Variants in GPSM2 observed in about 807,000 individuals in gnomAD.
GPSM2 encodes the protein G protein signaling modulator 2.
GPSM2 carries 58 observed loss-of-function variants against 78.4 expected under a neutral mutation model. That is an observed-to-expected ratio of 0.74 (90% CI 0.60 to 0.92). The LOEUF (loss-of-function observed/expected upper bound fraction) is 0.92. GPSM2 is among the 40% of genes least tolerant of loss of function. The pLI, the probability that GPSM2 is intolerant of heterozygous loss-of-function variation, is 0.00. For missense variants in GPSM2, 700 were observed against 815.5 expected (o/e 0.86, Z 1.73); for synonymous variants, 224 against 280.2 (o/e 0.80, Z 2.00).
At chr1:108,928,637 G>A (rs1369527066) in intron 14 of GPSM2, among the ~76,000 whole-genome samples, 17 of 152,282 alleles carry the variant, frequency 1.1e-4, no homozygotes, top group Admixed American at 1.1e-3. Flanking sequence ...GTGTATACTT[G>A]TAAGTGCATG....
intron 1 of GPSM2, among the ~76,000 whole-genome samples, chr1:108,880,330 C>T (rs1223230646): frequency 2.0e-5 from 3 of 152,182 alleles, no homozygotes; most frequent in Non-Finnish European, 4.4e-5. Flanking sequence ...TGCAGTGGCT[C>T]ACACCTGTAA....
At chr1:108,898,148 T>C (rs376066910) in intron 5 of GPSM2, 47 bp downstream of exon 5, 157 of 1,566,666 alleles carry the variant, frequency 1.0e-4, no homozygotes, top group Middle Eastern at 1.7e-4. Context: ...ATCTAAGCCG[T>C]GGATCTGCTG....
chr1:108,891,664 A>ATTTTTTTT (rs58295802), intron 2 of GPSM2, among the ~76,000 whole-genome samples: 1 of 117,208 alleles, frequency 8.5e-6, no homozygotes, highest in Non-Finnish European at 1.7e-5. Flanking sequence ...CAGCCAGCTA[A>ATTTTTTTT]TTTTTTTTTT....
chr1:108,886,975 C>T (rs1485266336), intron 2 of GPSM2, among the ~76,000 whole-genome samples: 1 of 151,952 alleles, frequency 6.6e-6, no homozygotes, highest in Non-Finnish European at 1.5e-5. Flanking sequence ...TAACCTCCGC[C>T]TCCCATGTTA....
At position 108,931,426 on chromosome 1, in the gene GPSM2, G is replaced by A. The variant is rs1651951934; in HGVS notation, c.*1486G>A. 2 of 1,551,028 alleles carry A rather than the reference G, an allele frequency of 1.3e-6. No individual in the cohort carries two copies. The highest frequency in any genetic ancestry group is 1.7e-6 in the Non-Finnish European group (2 of 1,147,072). Reference sequence around the variant, plus strand: ...TAACACTGGATCACAGACTGCAAAGGCCCACGCTTGGAACAAGTTGCCAAC... The same window carrying A: ...TAACACTGGATCACAGACTGCAAAGACCCACGCTTGGAACAAGTTGCCAAC... On this transcript the variant is annotated 3_prime_UTR_variant, in exon 15 of 15. Coordinates refer to ENST00000264126, the MANE Select transcript of GPSM2 (RefSeq NM_013296.5).
chr1:108,918,467 A>C, intron 11 of GPSM2, 146 bp from the exon 12 acceptor site: 1 of 632,926 alleles, frequency 1.6e-6, no homozygotes, highest in East Asian at 2.7e-5. Flanking sequence ...TATACTAAAA[A>C]GGATATTTTT....
rs1557879106 is a variant in GPSM2 at position 108,922,537 on chromosome 1, A to G, written c.1561A>G (p.Thr521Ala). Residue 521 changes from threonine to alanine, a missense_variant, in exon 13 of 15, where the codon ACA becomes GCA. Transcript: ENST00000264126. ...AGAAAAGAACTGCCATACAGCTTCA[A>G]CAACAACTTCTTCCACTCCCCCTAA... The part of the protein sequence containing the change: ...LQEKNCHTAS[T>A]TTSSTPPKMM... 3 of 1,586,610 alleles carry G rather than the reference A, an allele frequency of 1.9e-6. No homozygotes were observed. Among genetic ancestry groups the G allele is most frequent in the African/African-American group, 1.7e-5 (1 of 60,486 alleles).
intron 11 of GPSM2, 102 bp downstream of exon 11, chr1:108,914,510 G>T: frequency 1.2e-6 from 1 of 844,704 alleles, no homozygotes; most frequent in Non-Finnish European, 1.9e-6. Flanking sequence ...GCCCTATATA[G>T]GTATCACTTT....
chr1:108,907,813 C>A (rs1354435874), intron 10 of GPSM2, among the ~76,000 whole-genome samples: 1 of 152,118 alleles, frequency 6.6e-6, no homozygotes, highest in African/African-American at 2.4e-5. Flanking sequence ...CCCAGGGTTA[C>A]CTGTGTAGTA....
intron 9 of GPSM2, 21 bp from the exon 10 acceptor site, chr1:108,904,099 CTAAAA>C: frequency 6.5e-7 from 1 of 1,541,488 alleles, no homozygotes; most frequent in Non-Finnish European, 9.0e-7. Flanking sequence ...AAATACTACT[CTAAAA>C]TATAAATGTT....
chr1:108,905,277 T>C (rs970657471), intron 10 of GPSM2, among the ~76,000 whole-genome samples: 5 of 152,240 alleles, frequency 3.3e-5, no homozygotes, highest in African/African-American at 1.2e-4. Context: ...CTTGTCTTCA[T>C]AGACCCTTCT....
chr1:108,897,361 A>G, intron 3 of GPSM2, 131 bp from the exon 4 acceptor site: 1 of 839,230 alleles, frequency 1.2e-6, no homozygotes, highest in Non-Finnish European at 1.9e-6. Flanking sequence ...TTCAAAGCCA[A>G]TGGGTTTTTC....
At chr1:108,903,104 T>G in intron 8 of GPSM2, 22 bp from the exon 9 acceptor site, 5 of 1,418,130 alleles carry the variant, frequency 3.5e-6, no homozygotes, top group Non-Finnish European at 4.0e-6. Flanking sequence ...TAACTGCATG[T>G]TCGCTTTGAA....
intron 7 of GPSM2, among the ~76,000 whole-genome samples, chr1:108,901,170 GCA>G (rs1244529938): frequency 2.0e-5 from 3 of 152,174 alleles, no homozygotes; most frequent in Non-Finnish European, 4.4e-5. Context: ...TTAGTAATTG[GCA>G]AAGTTGGGAT....
rs1486229738 is a variant in GPSM2, at chr1:108,934,341, A to G, written c.*4401A>G. 1.5e-5 allele frequency: 4 copies of G among 259,982 alleles called. No individual in the cohort carries two copies. In the East Asian group the frequency reaches 3.1e-4, roughly 20 times the overall value. 16.1% of individuals were successfully genotyped at this position (259,982 alleles called of 1,614,324 possible). A position where few individuals can be genotyped will look rare whatever the true frequency, so the allele number is the denominator to read the frequency against. Reference sequence around the variant, plus strand: ...TTCCCGTAAGTGCCTGTAACAATAAAATTTCTTTTTCAATGTCCCCAATTC... The same window carrying G: ...TTCCCGTAAGTGCCTGTAACAATAAGATTTCTTTTTCAATGTCCCCAATTC... On this transcript the variant is annotated 3_prime_UTR_variant, in exon 15 of 15. Coordinates refer to ENST00000264126, the MANE Select transcript of GPSM2 (RefSeq NM_013296.5).
chr1:108,934,370 C>T lies in GPSM2; in HGVS notation c.*4430C>T. 3.0e-6 allele frequency: 1 copy of T among 330,326 alleles called. No individual in the cohort carries two copies. The highest frequency in any genetic ancestry group is 5.5e-6 in the Non-Finnish European group (1 of 181,988). 20.5% of individuals were successfully genotyped at this position (330,326 alleles called of 1,614,324 possible). A position where few individuals can be genotyped will look rare whatever the true frequency, so the allele number is the denominator to read the frequency against. Reference sequence around the variant, plus strand: ...TCTTTTTCAATGTCCCCAATTCAAACTGGCCTCCTTAACTATCCAGAATCA... The same window carrying T: ...TCTTTTTCAATGTCCCCAATTCAAATTGGCCTCCTTAACTATCCAGAATCA... On this transcript the variant is annotated 3_prime_UTR_variant, in exon 15 of 15. Coordinates refer to ENST00000264126, the MANE Select transcript of GPSM2 (RefSeq NM_013296.5).
intron 11 of GPSM2, 112 bp from the exon 12 acceptor site, chr1:108,918,500 CT>C: frequency 1.3e-6 from 1 of 777,166 alleles, no homozygotes; most frequent in East Asian, 2.5e-5. Flanking sequence ...AATTCTTCCT[CT>C]CTCCCCCAAT....
In GPSM2 at chr1:108,932,253, G is replaced by C. The variant is rs564043237; in HGVS notation, c.*2313G>C. 1 of 152,234 alleles carries C rather than the reference G, an allele frequency of 6.6e-6. No homozygotes were observed. The highest frequency in any genetic ancestry group is 1.9e-4 in the East Asian group (1 of 5,178). The allele number at this position is 152,234 out of a possible 1,614,324, so 9.4% of individuals were successfully genotyped here. ...TGTACCACCTCACTCCAGCCTGGGTGACAGAGCAAAACTCTCAAAAAAAAG... is the reference window on the plus strand; with the variant it reads ...TGTACCACCTCACTCCAGCCTGGGTCACAGAGCAAAACTCTCAAAAAAAAG... On this transcript the variant is annotated 3_prime_UTR_variant, in exon 15 of 15. Transcript: ENST00000264126.
At chr1:108,898,507 C>A in intron 5 of GPSM2, 135 bp from the exon 6 acceptor site, 1 of 728,590 alleles carries the variant, frequency 1.4e-6, no homozygotes, top group Non-Finnish European at 2.3e-6. Flanking sequence ...TCATAGATGT[C>A]ATCCTTAAAA....
Sources: allele counts gnomAD v4.1 joint callset (sites outside exome capture counted in the v4.1 genomes callset), GRCh38; gene constraint gnomAD v4.1.1; transcripts MANE v1.5; gene names NCBI Gene and HGNC (gene_info 2026-07-23, HGNC 2026-07-21).